SH3KBP1: variants seen among roughly 807,000 people sequenced by gnomAD.
The protein encoded by SH3KBP1 is SH3 domain-containing kinase-binding protein 1.
A neutral mutation model predicts 50.1 loss-of-function variants in SH3KBP1; 8 were observed. The ratio of observed to expected loss-of-function variants is 0.16; its 90% confidence interval spans 0.09 to 0.29. The LOEUF (loss-of-function observed/expected upper bound fraction) is 0.29, where lower values mean the gene tolerates loss of function less well. Ranked by LOEUF, SH3KBP1 falls within the 10% of genes least tolerant of loss-of-function variation. SH3KBP1 has a pLI of 1.00. For synonymous variants in SH3KBP1, 227 were observed against 218.6 expected (o/e 1.04, Z -0.34); for missense variants, 377 against 535.2 (o/e 0.70, Z 2.92).
intron 3 of SH3KBP1, among the ~76,000 whole-genome samples, chrX:19,731,065 G>C (rs772273897): frequency 9.0e-6 from 1 of 111,106 alleles, no homozygotes; most frequent in African/African-American, 3.3e-5. Flanking sequence ...TCAGCCTCCC[G>C]AGTAGCTGGG....
chrX:19,620,759 C>T (rs1233238620), intron 8 of SH3KBP1, among the ~76,000 whole-genome samples: 1 of 112,433 alleles, frequency 8.9e-6, no homozygotes, highest in African/African-American at 3.2e-5. Context: ...TTACTGAACA[C>T]TGGGGCTTAG....
intron 2 of SH3KBP1, among the ~76,000 whole-genome samples, chrX:19,800,532 T>G (rs2066861419): frequency 8.9e-6 from 1 of 112,310 alleles, no homozygotes; most frequent in Non-Finnish European, 1.9e-5. Flanking sequence ...TATTTAGATA[T>G]TTCTATCCTA....
At chrX:19,705,464 G>A (rs2063633651) in intron 4 of SH3KBP1, among the ~76,000 whole-genome samples, 2 of 111,662 alleles carry the variant, frequency 1.8e-5, no homozygotes, top group Admixed American at 1.9e-4. Context: ...CGAAATAAAT[G>A]TTCTCTGTTG....
chrX:19,590,809 ATTTTT>A (rs34366083), intron 11 of SH3KBP1, among the ~76,000 whole-genome samples: 3 of 23,763 alleles, frequency 1.3e-4, no homozygotes, highest in African/African-American at 3.8e-4. Context: ...AGGCCTGGCT[ATTTTT>A]TTTTTTTTTT....
At chrX:19,552,691 C>T (rs946983147) in intron 13 of SH3KBP1, among the ~76,000 whole-genome samples, 5 of 110,115 alleles carry the variant, frequency 4.5e-5, no homozygotes, top group Admixed American at 9.8e-5. Context: ...CTCAGCTGCA[C>T]GGAGGAATCA....
intron 6 of SH3KBP1, chrX:19,671,148 C>A: frequency 2.3e-6 from 1 of 441,013 alleles, no homozygotes; most frequent in Non-Finnish European, 3.5e-6. Flanking sequence ...CAGGTGTGAC[C>A]ATTCGGACAA....
At chrX:19,564,640 T>C (rs1365675458) in intron 13 of SH3KBP1, among the ~76,000 whole-genome samples, 3 of 110,628 alleles carry the variant, frequency 2.7e-5, no homozygotes, top group Non-Finnish European at 5.7e-5. Context: ...TTACTTCAAA[T>C]ATAATTACTT....
intron 6 of SH3KBP1, chrX:19,664,790 T>C (rs992246809): frequency 6.2e-5 from 7 of 112,063 alleles, no homozygotes; most frequent in African/African-American, 1.9e-4. Context: ...CTCTTCTGAA[T>C]TGAAAAAACA....
At chrX:19,678,302 CA>C (rs1156244703) in intron 6 of SH3KBP1, among the ~76,000 whole-genome samples, 1 of 109,159 alleles carries the variant, frequency 9.2e-6, no homozygotes, top group Non-Finnish European at 1.9e-5. Context: ...CAATTGTCAT[CA>C]AAAGTGTCTA....
At chrX:19,723,311 C>T (rs1459964505) in intron 3 of SH3KBP1, among the ~76,000 whole-genome samples, 1 of 111,955 alleles carries the variant, frequency 8.9e-6, no homozygotes, top group Admixed American at 9.4e-5. Context: ...TTATCCTAAA[C>T]GTCCTTCAAT....
chrX:19,769,567 C>T (rs183393355), intron 2 of SH3KBP1, among the ~76,000 whole-genome samples: 2 of 111,042 alleles, frequency 1.8e-5, no homozygotes, highest in African/African-American at 6.6e-5. Context: ...TCAAAATGCA[C>T]ATGGGGCACT....
At chrX:19,635,773 C>T (rs1361634238) in intron 7 of SH3KBP1, among the ~76,000 whole-genome samples, 1 of 110,881 alleles carries the variant, frequency 9.0e-6, no homozygotes, top group Non-Finnish European at 1.9e-5. Context: ...CAACCACCCC[C>T]TCCTGTCCCT....
chrX:19,688,038 T>G (rs1018709502), intron 5 of SH3KBP1, among the ~76,000 whole-genome samples: 3 of 112,321 alleles, frequency 2.7e-5, no homozygotes, highest in Non-Finnish European at 5.6e-5. Context: ...CCAGAGGGAA[T>G]CCAATCAATT....
intron 8 of SH3KBP1, among the ~76,000 whole-genome samples, chrX:19,616,653 C>T (rs1342322344): frequency 9.0e-6 from 1 of 111,403 alleles, no homozygotes; most frequent in Non-Finnish European, 1.9e-5. Context: ...TTGTTGTCTT[C>T]CCTGAAAGAG....
intron 2 of SH3KBP1, among the ~76,000 whole-genome samples, chrX:19,788,109 AAGG>A (rs1428641379): frequency 9.1e-6 from 1 of 109,855 alleles, no homozygotes; most frequent in Non-Finnish European, 1.9e-5. Context: ...TCCTTATAAA[AAGG>A]AGAACTTTGG....
chrX:19,654,889 T>C (rs1369626023), intron 6 of SH3KBP1, among the ~76,000 whole-genome samples: 1 of 112,071 alleles, frequency 8.9e-6, no homozygotes, highest in East Asian at 2.8e-4. Context: ...AAATCTTAAT[T>C]TTCCCATGAA....
chrX:19,849,925 G>A (rs1023985648), intron 1 of SH3KBP1, among the ~76,000 whole-genome samples: 4 of 111,049 alleles, frequency 3.6e-5, no homozygotes, highest in Admixed American at 9.6e-5. Flanking sequence ...AAACACTTCC[G>A]GATTGTTAAA....
intron 13 of SH3KBP1, among the ~76,000 whole-genome samples, chrX:19,567,746 C>T (rs1209463312): frequency 9.5e-6 from 1 of 105,813 alleles, no homozygotes; most frequent in Admixed American, 1.0e-4. Context: ...TTACTTCTTA[C>T]GACTGCATGT....
At chrX:19,759,612 G>A (rs1057073097) in intron 2 of SH3KBP1, among the ~76,000 whole-genome samples, 2 of 111,696 alleles carry the variant, frequency 1.8e-5, no homozygotes, top group African/African-American at 6.5e-5. Context: ...AGACAGCTGG[G>A]CATTTTCATT....
Sources: gnomAD v4.1 joint callset for allele counts (sites outside exome capture counted in the v4.1 genomes callset) on GRCh38, gnomAD v4.1.1 for gene constraint, MANE v1.5 for transcripts, NCBI Gene and HGNC (gene_info 2026-07-23, HGNC 2026-07-21) for gene names.